The following OSBPL10 variants were observed in gnomAD, a reference collection of about 807,000 sequenced individuals.
The protein encoded by OSBPL10 is oxysterol binding protein like 10, also known as oxysterol-binding protein-related protein 10.
OSBPL10 carries 49 observed loss-of-function variants against 81.7 expected under a neutral mutation model. The ratio of observed to expected loss-of-function variants is 0.60; its 90% CI spans 0.48 to 0.76. The LOEUF is 0.76. OSBPL10 is among the 30% of genes least tolerant of loss of function. OSBPL10 has a pLI of 0.00. For missense variants in OSBPL10, 923 were observed against 987.8 expected (o/e 0.93, Z 0.88); for synonymous variants, 419 against 383.6 (o/e 1.09, Z -1.08).
chr3:31,915,658 C>T (rs1696733546), intron 1 of OSBPL10, among the ~76,000 whole-genome samples: 1 of 152,096 alleles, frequency 6.6e-6, no homozygotes, highest in Admixed American at 6.6e-5. Flanking sequence ...ATACCATGCT[C>T]AGTGCCTAGG....
chr3:31,899,664 T>C (rs1696174970), intron 1 of OSBPL10, among the ~76,000 whole-genome samples: 1 of 152,056 alleles, frequency 6.6e-6, no homozygotes, highest in Admixed American at 6.6e-5. Context: ...CCTATCTCTT[T>C]AAAAAATAAA....
intron 4 of OSBPL10, among the ~76,000 whole-genome samples, chr3:31,798,917 C>T (rs6789685): frequency 1.3e-5 from 2 of 152,012 alleles, no homozygotes; most frequent in East Asian, 3.9e-4. Context: ...TAGATCCCTC[C>T]CAGGCGCAGT....
chr3:31,966,132 TACA>T (rs1300657864), intron 1 of OSBPL10, among the ~76,000 whole-genome samples: 24 of 144,780 alleles, frequency 1.7e-4, no homozygotes, highest in African/African-American at 4.5e-4. Flanking sequence ...CCATCTCTAC[TACA>T]ACAACAACAA....
chr3:31,672,981 C>G (rs111937131), intron 8 of OSBPL10, among the ~76,000 whole-genome samples: 250 of 152,264 alleles, frequency 1.6e-3, no homozygotes, highest in Non-Finnish European at 2.5e-3. Context: ...ACACCAAATA[C>G]ACTGCGTATC....
chr3:31,947,762 G>T (rs1441834712), intron 1 of OSBPL10, among the ~76,000 whole-genome samples: 1 of 152,174 alleles, frequency 6.6e-6, no homozygotes, highest in Non-Finnish European at 1.5e-5. Flanking sequence ...ATCTGTGTTA[G>T]GTCATATTCC....
chr3:31,852,575 T>TTTG (rs1553633712), intron 3 of OSBPL10, among the ~76,000 whole-genome samples: 5 of 150,996 alleles, frequency 3.3e-5, no homozygotes, highest in African/African-American at 4.9e-5. Context: ...TTTTTCCTTT[T>TTTG]TTTGTTTGTT....
chr3:31,814,785 C>T (rs1020391350), intron 4 of OSBPL10, among the ~76,000 whole-genome samples: 2 of 152,114 alleles, frequency 1.3e-5, no homozygotes, highest in African/African-American at 4.8e-5. Context: ...AGGATCCAAA[C>T]CATGAAAGCA....
intron 2 of OSBPL10, among the ~76,000 whole-genome samples, chr3:32,035,562 CAAAA>C (rs35533294): frequency 5.7e-4 from 52 of 91,050 alleles, no homozygotes; most frequent in African/African-American, 2.4e-3. Flanking sequence ...AACTCTGTCT[CAAAA>C]AAAAAAAAAA....
At chr3:31,676,793 C>T (rs1392260590) in intron 8 of OSBPL10, among the ~76,000 whole-genome samples, 7 of 152,250 alleles carry the variant, frequency 4.6e-5, no homozygotes, top group South Asian at 2.1e-4. Context: ...AGCAGCTGAA[C>T]GCCCCTCAGC....
At chr3:31,742,439 A>T (rs111944299) in intron 5 of OSBPL10, among the ~76,000 whole-genome samples, 47,361 of 151,878 alleles carry the variant, frequency 0.31, 7,601 homozygotes, top group Middle Eastern at 0.37. Flanking sequence ...AAAGTATATT[A>T]AATTCTGCTC....
chr3:31,827,831 T>A (rs1273740664), intron 4 of OSBPL10, among the ~76,000 whole-genome samples: 1 of 152,186 alleles, frequency 6.6e-6, no homozygotes, highest in Non-Finnish European at 1.5e-5. Flanking sequence ...ATAGAATTTA[T>A]ATAAATAAAA....
intron 2 of OSBPL10, among the ~76,000 whole-genome samples, chr3:32,027,521 A>C (rs938840167): frequency 6.6e-6 from 1 of 152,096 alleles, no homozygotes; most frequent in Non-Finnish European, 1.5e-5. Context: ...TTAACAATTA[A>C]TAATTCTTGA....
chr3:31,783,789 T>A (rs77709354), intron 4 of OSBPL10, among the ~76,000 whole-genome samples: 4,565 of 19,876 alleles, frequency 0.23, 1,563 homozygotes, highest in East Asian at 0.43. Context: ...AGACTCCGAT[T>A]AAAAAAAAAA....
intron 1 of OSBPL10, among the ~76,000 whole-genome samples, chr3:32,073,600 T>G (rs1699851284): frequency 6.6e-6 from 1 of 152,200 alleles, no homozygotes; most frequent in South Asian, 2.1e-4. Context: ...TCCCTTCATT[T>G]ATTAGGTCTA....
chr3:31,771,356 G>A (rs920473593), intron 4 of OSBPL10, among the ~76,000 whole-genome samples: 5 of 151,784 alleles, frequency 3.3e-5, no homozygotes, highest in Non-Finnish European at 7.4e-5. Flanking sequence ...CTAACTGAGT[G>A]GGTAAGTTCA....
At chr3:31,912,778 C>T (rs2125694845) in intron 1 of OSBPL10, among the ~76,000 whole-genome samples, 1 of 152,234 alleles carries the variant, frequency 6.6e-6, no homozygotes, top group East Asian at 1.9e-4. Context: ...AGCTCTGAGC[C>T]TTTTCCTGCC....
At chr3:31,941,741 A>G (rs1342138217) in intron 1 of OSBPL10, among the ~76,000 whole-genome samples, 1 of 152,212 alleles carries the variant, frequency 6.6e-6, no homozygotes, top group Admixed American at 6.5e-5. Context: ...AAGAAAATGG[A>G]CTAGTGTTAA....
chr3:31,860,530 T>C (rs1701031778), intron 3 of OSBPL10, among the ~76,000 whole-genome samples: 1 of 152,136 alleles, frequency 6.6e-6, no homozygotes, highest in South Asian at 2.1e-4. Context: ...CCAAGGAGGC[T>C]AGGGTTATGA....
chr3:31,984,291 C>T (rs1054675343), upstream of OSBPL10, among the ~76,000 whole-genome samples: 3 of 151,644 alleles, frequency 2.0e-5, no homozygotes, highest in Admixed American at 1.3e-4. Context: ...CCGCCCACCT[C>T]GGCCTCCCAA....
Sources: allele counts gnomAD v4.1 joint callset (sites outside exome capture counted in the v4.1 genomes callset), GRCh38; gene constraint gnomAD v4.1.1; transcripts MANE v1.5; gene names NCBI Gene and HGNC (gene_info 2026-07-23, HGNC 2026-07-21).